The following CRYBG1 variants were observed in gnomAD, a reference collection of about 807,000 sequenced individuals.
The protein encoded by CRYBG1 is crystallin beta-gamma domain containing 1.
Under a neutral mutation model 189.2 loss-of-function variants are expected in CRYBG1, and 139 were observed. The ratio of observed to expected loss-of-function variants is 0.73; its 90% CI spans 0.64 to 0.85. The LOEUF (loss-of-function observed/expected upper bound fraction) is 0.85, where lower values mean the gene tolerates loss of function less well. Ranked by LOEUF, CRYBG1 falls within the 40% of genes least tolerant of loss-of-function variation. CRYBG1 has a pLI of 0.00. For synonymous variants in CRYBG1, 1,023 were observed against 1,017.1 expected (o/e 1.01, Z -0.11); for missense variants, 2,611 against 2,675.8 (o/e 0.98, Z 0.53).
At chr6:106,414,395 G>A (rs1351922903) in intron 1 of CRYBG1, among the ~76,000 whole-genome samples, 1 of 152,256 alleles carries the variant, frequency 6.6e-6, no homozygotes, top group Non-Finnish European at 1.5e-5. Context: ...CTCCTGCAGA[G>A]CCACAGCCTA....
chr6:106,540,690 C>CA (rs1774107882), intron 9 of CRYBG1, among the ~76,000 whole-genome samples: 1 of 141,956 alleles, frequency 7.0e-6, no homozygotes, highest in Admixed American at 7.1e-5. Context: ...TTCCTTTTTC[C>CA]TTTTTTTTTT....
chr6:106,461,384 CT>C (rs1208195250), intron 2 of CRYBG1, among the ~76,000 whole-genome samples: 6 of 152,176 alleles, frequency 3.9e-5, no homozygotes, highest in Non-Finnish European at 7.4e-5. Flanking sequence ...AGCTGAGTTC[CT>C]TCCAGCAAAT....
intron 2 of CRYBG1, among the ~76,000 whole-genome samples, chr6:106,489,168 C>T (rs1466214995): frequency 2.6e-5 from 4 of 152,150 alleles, no homozygotes; most frequent in African/African-American, 9.6e-5. Context: ...GGCAGGATTC[C>T]TTACTCCCCT....
rs147973453 is a variant in CRYBG1, at chr6:106,424,750, A to G, written c.174-26944A>G. ...GTGCTGAGATTACAGGCATGAGCCA[A>G]TGTTCCCGGCCTACCCACCTCCTCT... is the stretch of plus-strand genomic sequence containing the variant. On this transcript the variant is annotated intron_variant, in intron 1 of 21. Transcript: ENST00000633556. Among the ~76,000 whole-genome samples, 164 of 152,164 alleles carry G rather than the reference A, an allele frequency of 1.1e-3. 1 individual carries two copies. Among genetic ancestry groups the G allele is most frequent in the African/African-American group, 3.7e-3 (153 of 41,540 alleles).
chr6:106,552,188 C>T lies in CRYBG1; in HGVS notation c.5444C>T (p.Ser1815Phe), dbSNP rs772247383. The T allele has an allele frequency of 5.7e-6, 9 of 1,586,224 alleles. No individual in the cohort carries two copies. The East Asian group carries it at 2.0e-4, about 36-fold the overall frequency. The change falls in exon 15 of 22, where the codon TCT becomes TTT. Residue 1815 changes from serine (S) to phenylalanine (F), a missense_variant. This residue lies in a region of CRYBG1 where 1,622 missense variants were observed against 1,735.0 expected (regional missense o/e 0.93). Coordinates refer to ENST00000633556, the MANE Select transcript of CRYBG1 (RefSeq NM_001371242.2). ...ISSVQPICLD[S>F]FTGPRRRNQI... The stretch of plus-strand genomic sequence containing the variant: ...CCTTCCTTTAAAAATTTTTAGGATT[C>T]TTTCACTGGCCCAAGGAGACGAAAT...
In CRYBG1 at chr6:106,560,317, C is replaced by A. The variant is rs191377113; in HGVS notation, c.5856-486C>A. The stretch of plus-strand genomic sequence containing the variant: ...GTCTGCGCTTAAACCCATACTTCCT[C>A]AGGTGTGCAGCAGTAGCATCTGAGC... On this transcript the variant is annotated intron_variant, in intron 18 of 21. Transcript: ENST00000633556. 2.9e-3 allele frequency among the ~76,000 whole-genome samples: 440 copies of A among 152,300 alleles called. 5 individuals carry two copies. Among genetic ancestry groups the A allele is most frequent in the Non-Finnish European group, 4.0e-4 (27 of 68,032 alleles).
intron 10 of CRYBG1, among the ~76,000 whole-genome samples, chr6:106,542,037 A>G (rs566111719): frequency 1.4e-4 from 21 of 152,024 alleles, no homozygotes; most frequent in Non-Finnish European, 2.2e-4. Flanking sequence ...GCCACACACT[A>G]TAACTTTTCA....
intron 2 of CRYBG1, among the ~76,000 whole-genome samples, chr6:106,496,939 T>C (rs1652742559): frequency 6.6e-6 from 1 of 152,208 alleles, no homozygotes; most frequent in Non-Finnish European, 1.5e-5. Context: ...CACAGGCTTG[T>C]CCACCCCAAG....
intron 1 of CRYBG1, among the ~76,000 whole-genome samples, chr6:106,412,545 G>A (rs1770948134): frequency 1.3e-5 from 2 of 152,132 alleles, no homozygotes; most frequent in Admixed American, 6.5e-5. Flanking sequence ...CCACACATGT[G>A]TAAGGTGGCA....
At chr6:106,542,283 G>T (rs1335896568) in intron 10 of CRYBG1, among the ~76,000 whole-genome samples, 1 of 113,098 alleles carries the variant, frequency 8.8e-6, no homozygotes, top group East Asian at 2.3e-4. Context: ...ATTATTTAGG[G>T]TTTTTTTTTT....
chr6:106,378,797 TTCC>T (rs929548277), intron 1 of CRYBG1, among the ~76,000 whole-genome samples: 1 of 152,204 alleles, frequency 6.6e-6, no homozygotes, highest in South Asian at 2.1e-4. Flanking sequence ...ATGTCTTTTC[TTCC>T]TCCTCCTCCT....
chr6:106,473,133 G>C (rs1772270621), intron 2 of CRYBG1, among the ~76,000 whole-genome samples: 1 of 152,140 alleles, frequency 6.6e-6, no homozygotes, highest in South Asian at 2.1e-4. Context: ...AAATGGGCTT[G>C]GAGTGAGGCC....
At chr6:106,529,874 G>C (rs1423933141) in intron 7 of CRYBG1, among the ~76,000 whole-genome samples, 1 of 152,150 alleles carries the variant, frequency 6.6e-6, no homozygotes, top group Admixed American at 6.5e-5. Context: ...AGACCAAAGA[G>C]GACCAAGTGA....
Position 106,517,463 on chromosome 6 carries a change from TAC to T in CRYBG1, c.1923-1658_1923-1657del, listed in dbSNP as rs1172780662. ...ACATATATATACACACATATATATA[TAC>T]ACACACACATATATATATACACACA... On this transcript the variant is annotated intron_variant, in intron 3 of 21. Transcript: ENST00000633556. Among the ~76,000 whole-genome samples the T allele has an allele frequency of 4.8e-3, 503 of 105,462 alleles. 6 individuals carry two copies. The highest frequency in any genetic ancestry group is 0.017 in the African/African-American group (417 of 24,460). 69.2% of individuals were successfully genotyped at this position (105,462 alleles called of 152,430 possible). A position where few individuals can be genotyped will look rare whatever the true frequency, so the allele number is the denominator to read the frequency against.
At chr6:106,509,603 A>G (rs1773202836) in intron 2 of CRYBG1, among the ~76,000 whole-genome samples, 1 of 151,986 alleles carries the variant, frequency 6.6e-6, no homozygotes. Flanking sequence ...TAGAACCTTG[A>G]GAGCAAATCT....
Position 106,561,333 on chromosome 6 carries a change from G to A in CRYBG1, c.5980-9G>A. The A allele has an allele frequency of 6.2e-7, 1 of 1,613,018 alleles. No homozygotes were observed. Reference sequence around the variant, plus strand: ...TGGTATAACAACTGCTGGGGGTTTTGTCTTCTAGAAGCGAATTTATTTCAG... The same window carrying A: ...TGGTATAACAACTGCTGGGGGTTTTATCTTCTAGAAGCGAATTTATTTCAG... On this transcript the variant is annotated splice_polypyrimidine_tract_variant and intron_variant, in intron 19 of 21. Transcript: ENST00000633556.
intron 2 of CRYBG1, among the ~76,000 whole-genome samples, chr6:106,504,466 G>A (rs1773085311): frequency 6.6e-6 from 1 of 151,868 alleles, no homozygotes; most frequent in Non-Finnish European, 1.5e-5. Flanking sequence ...TAGTAACAGA[G>A]GTTCATAGTT....
intron 1 of CRYBG1, among the ~76,000 whole-genome samples, chr6:106,374,212 A>G (rs971247309): frequency 2.0e-5 from 3 of 152,176 alleles, no homozygotes; most frequent in Non-Finnish European, 4.4e-5. Context: ...CATTAAAATG[A>G]TAAAAAGTTG....
rs1236043217 is a variant in CRYBG1 at position 106,568,537 on chromosome 6, G to C, written c.6367G>C (p.Val2123Leu). The C allele has an allele frequency of 6.2e-7, 1 of 1,613,716 alleles. No individual in the cohort carries two copies. The highest frequency in any genetic ancestry group is 8.5e-7 in the Non-Finnish European group (1 of 1,179,580). The part of the protein sequence containing the change: ...NTVSKEKFTQ[V>L]WEAMVLYT ...TGTCAGCAAAGAGAAGTTTACACAA[G>C]TGTGGGAAGCCATGGTCCTATATAC... Residue 2123 changes from valine (V) to leucine (L), a missense_variant, in exon 22 of 22, where the codon GTG becomes CTG. Physicochemically the swap from Val to Leu is conservative, Grantham distance 32 (BLOSUM62 1). Around this residue, in one of 3 missense-constraint regions of CRYBG1, gnomAD observed 1,622 missense variants for 1,735.0 expected, o/e 0.93. Transcript: ENST00000633556.
Sources: allele counts gnomAD v4.1 joint callset (sites outside exome capture counted in the v4.1 genomes callset), GRCh38; gene constraint gnomAD v4.1.1; regional missense constraint gnomAD v4.1.1; transcripts MANE v1.5; gene names NCBI Gene and HGNC (gene_info 2026-07-23, HGNC 2026-07-21).